Variants in PCNX2 observed in about 807,000 individuals in gnomAD.
PCNX2 encodes pecanex-like protein 2.
Under a neutral mutation model 223.8 loss-of-function variants are expected in PCNX2, and 168 were observed. The ratio of observed to expected loss-of-function variants is 0.75; its 90% CI spans 0.66 to 0.85. The LOEUF (loss-of-function observed/expected upper bound fraction) is 0.85, where lower values mean the gene tolerates loss of function less well. Among genes scored for constraint, PCNX2 ranks in the 40% least tolerant of loss-of-function variants. The probability of loss-of-function intolerance (pLI) is 0.00; values close to 1 mark genes in which losing one functional copy is unlikely to be tolerated. For missense variants in PCNX2, 2,507 were observed against 2,675.5 expected, an observed-to-expected ratio of 0.94 and a Z score of 1.39; for synonymous variants, 1,006 against 1,052.6, an observed-to-expected ratio of 0.96 and a Z score of 0.86.
chr1:233,138,699 G>A lies in PCNX2; in HGVS notation c.3659+1015C>T, dbSNP rs142619124. Among the ~76,000 whole-genome samples, 375 of 152,278 alleles carry A rather than the reference G, an allele frequency of 2.5e-3. 1 individual carries two copies. The highest frequency in any genetic ancestry group is 8.5e-3 in the African/African-American group (353 of 41,560). On this transcript the variant is annotated intron_variant, in intron 20 of 33. Coordinates refer to ENST00000258229, the MANE Select transcript of PCNX2 (RefSeq NM_014801.4). Reference sequence around the variant, plus strand: ...ACTAATTCTCATCTCTGGATTTGAAGTCTAGAATTTTAAGTATCAAAGAAC... The same window carrying A: ...ACTAATTCTCATCTCTGGATTTGAAATCTAGAATTTTAAGTATCAAAGAAC...
At chr1:233,262,822 T>C in intron 2 of PCNX2, 136 bp downstream of exon 2, 2 of 769,404 alleles carry the variant, frequency 2.6e-6, no homozygotes, top group Non-Finnish European at 4.1e-6. Context: ...TGCTTAAGTA[T>C]ATGCTGAAAT....
intron 24 of PCNX2, among the ~76,000 whole-genome samples, chr1:233,056,949 C>T (rs1672212732): frequency 6.6e-6 from 1 of 152,058 alleles, no homozygotes; most frequent in Admixed American, 6.6e-5. Flanking sequence ...GGTTTATAGT[C>T]TGTGTTTGAG....
intron 8 of PCNX2, among the ~76,000 whole-genome samples, chr1:233,238,075 C>G (rs1356987184): frequency 2.6e-5 from 4 of 152,162 alleles, no homozygotes; most frequent in Non-Finnish European, 5.9e-5. Context: ...TGGAAGGGAA[C>G]TAGTTTTTTG....
chr1:233,153,038 A>T (rs369642277), intron 19 of PCNX2, among the ~76,000 whole-genome samples: 2 of 152,338 alleles, frequency 1.3e-5, no homozygotes, highest in East Asian at 3.9e-4. Flanking sequence ...TAAACTTCCC[A>T]AAAGCTTTCT....
At chr1:233,294,171 G>T (rs1661935383) in intron 1 of PCNX2, among the ~76,000 whole-genome samples, 1 of 152,176 alleles carries the variant, frequency 6.6e-6, no homozygotes, top group African/African-American at 2.4e-5. Context: ...GAACAGAATT[G>T]TAAACCCAAG....
In PCNX2 at chr1:233,109,170, A is replaced by G. The variant is rs1451797935; in HGVS notation, c.3838-13307T>C. On this transcript the variant is annotated intron_variant, in intron 21 of 33. Transcript: ENST00000258229. Reference sequence around the variant, plus strand: ...CTAGGTTCATTCAACTCCTCCCCCCATATCAGAAGTCTAGCAAAGGAAATG... The same window carrying G: ...CTAGGTTCATTCAACTCCTCCCCCCGTATCAGAAGTCTAGCAAAGGAAATG... 2.0e-5 allele frequency among the ~76,000 whole-genome samples: 3 copies of G among 152,316 alleles called. No individual in the cohort carries two copies. In the East Asian group the frequency reaches 5.8e-4, roughly 29 times the overall value.
Position 232,986,288 on chromosome 1 carries a change from G to A in PCNX2, c.6044C>T (p.Ala2015Val), listed in dbSNP as rs184847525. 9.0e-5 allele frequency: 141 copies of A among 1,564,718 alleles called. No individual in the cohort carries two copies. In the Admixed American group the frequency reaches 2.3e-3, roughly 25 times the overall value. The change falls in exon 33 of 34, where the codon GCG becomes GTG. Residue 2015 changes from alanine to valine, a missense_variant. Ala to Val is a moderately conservative substitution (Grantham distance 64). Around this residue, in one of 3 missense-constraint regions of PCNX2, gnomAD observed 1,372 missense variants for 1,509.4 expected, o/e 0.91. Transcript: ENST00000258229. ...GHLSVRERAE[A>V]LIRSSLGSST... ...GGAGCCCAGGCTGGACCTGATGAGC[G>A]CCTCGGCCCGCTCACGGACACTCAG...
chr1:233,164,676 A>G (rs1484101282), intron 17 of PCNX2, among the ~76,000 whole-genome samples: 1 of 151,724 alleles, frequency 6.6e-6, no homozygotes, highest in African/African-American at 2.4e-5. Flanking sequence ...ACACACCCCC[A>G]TGGAATACTA....
intron 19 of PCNX2, among the ~76,000 whole-genome samples, chr1:233,147,621 C>G (rs1009430578): frequency 6.6e-6 from 1 of 152,218 alleles, no homozygotes; most frequent in Non-Finnish European, 1.5e-5. Context: ...CCACACAGTT[C>G]AGACTTGTGT....
chr1:233,018,247 C>T (rs1279857619), intron 26 of PCNX2, among the ~76,000 whole-genome samples: 1 of 151,422 alleles, frequency 6.6e-6, no homozygotes, highest in East Asian at 1.9e-4. Context: ...TGGTCTTGAA[C>T]TCCTGGGCTC....
intron 23 of PCNX2, among the ~76,000 whole-genome samples, chr1:233,064,658 C>T (rs1366567238): frequency 6.6e-6 from 1 of 152,180 alleles, no homozygotes; most frequent in Non-Finnish European, 1.5e-5. Flanking sequence ...GTGGGTTTTG[C>T]TGTTTTCTGC....
intron 12 of PCNX2, chr1:233,210,632 C>T: frequency 2.0e-6 from 2 of 985,390 alleles, no homozygotes; most frequent in Non-Finnish European, 2.4e-6. Context: ...AATGTCCCTG[C>T]TCTTCAATTC....
Position 233,139,020 on chromosome 1 carries a change from G to A in PCNX2, c.3659+694C>T, listed in dbSNP as rs1433676502. Among the ~76,000 whole-genome samples the A allele has an allele frequency of 6.6e-6, 1 of 152,182 alleles. No homozygotes were observed. Among genetic ancestry groups the A allele is most frequent in the African/African-American group, 2.4e-5 (1 of 41,444 alleles). On this transcript the variant is annotated intron_variant, in intron 20 of 33. Coordinates refer to ENST00000258229, the MANE Select transcript of PCNX2 (RefSeq NM_014801.4). This position sits in a 1 kb window ranked among gnomAD's most constrained non-coding sequence, Gnocchi z 4.4. ...ATAGTGTTTAAGCAACGTGACTAAT[G>A]AGCAAATCTGGGAAAGAATCTCTTT...
At chr1:233,017,518 A>T (rs367898425) in intron 26 of PCNX2, among the ~76,000 whole-genome samples, 3 of 151,874 alleles carry the variant, frequency 2.0e-5, no homozygotes, top group Non-Finnish European at 2.9e-5. Flanking sequence ...GGGTTTCACC[A>T]TGTTAGCCAG....
chr1:233,251,369 G>A (rs1324598840), intron 7 of PCNX2, among the ~76,000 whole-genome samples: 1 of 152,194 alleles, frequency 6.6e-6, no homozygotes, highest in Non-Finnish European at 1.5e-5. Flanking sequence ...AGCAAGAGAT[G>A]GAATTAATTT....
intron 2 of PCNX2, 129 bp from the exon 3 acceptor site, chr1:233,262,294 T>C (rs1427430623): frequency 8.3e-7 from 1 of 1,207,102 alleles, no homozygotes; most frequent in East Asian, 2.6e-5. Flanking sequence ...TATAAATCTT[T>C]TTTTGTTGTT....
At chr1:233,318,563 C>CTTTTTTTTTTTTT in the PCNX2 span, among the ~76,000 whole-genome samples, 67 of 92,504 alleles carry the variant, frequency 7.2e-4, 1 homozygote, top group Non-Finnish European at 9.1e-4. Context: ...TTTTCTTTTT[C>CTTTTTTTTTTTTT]TTTTTTTTTT....
chr1:233,097,954 G>A (rs1674275292), intron 21 of PCNX2, among the ~76,000 whole-genome samples: 1 of 152,128 alleles, frequency 6.6e-6, no homozygotes, highest in Non-Finnish European at 1.5e-5. Flanking sequence ...GTGGTGGTGG[G>A]CTCTCCTGCA....
At chr1:233,168,409 G>T (rs1678931474) in intron 17 of PCNX2, among the ~76,000 whole-genome samples, 2 of 151,916 alleles carry the variant, frequency 1.3e-5, no homozygotes, top group Admixed American at 1.3e-4. Flanking sequence ...TCTAATCTTA[G>T]TGTGCAAATA....
Sources: allele counts gnomAD v4.1 joint callset (sites outside exome capture counted in the v4.1 genomes callset), GRCh38; gene constraint gnomAD v4.1.1; regional missense constraint gnomAD v4.1.1; non-coding constraint Gnocchi (gnomAD v3.1); transcripts MANE v1.5; gene names NCBI Gene and HGNC (gene_info 2026-07-23, HGNC 2026-07-21).